Variants in SPTB observed in about 807,000 individuals in gnomAD.
The protein encoded by SPTB is spectrin beta chain, erythrocytic.
Under a neutral mutation model 256.2 loss-of-function variants are expected in SPTB, and 45 were observed. The ratio of observed to expected loss-of-function variants is 0.18; its 90% CI spans 0.14 to 0.23. SPTB has a LOEUF of 0.23. Among genes scored for constraint, SPTB ranks in the 10% least tolerant of loss-of-function variants. The probability of loss-of-function intolerance (pLI) is 1.00; values close to 1 mark genes in which losing one functional copy is unlikely to be tolerated. For missense variants in SPTB, 2,715 were observed against 3,040.4 expected (o/e 0.89, Z 2.52); for synonymous variants, 1,231 against 1,243.1 (o/e 0.99, Z 0.21).
rs1217739757 is a variant in SPTB, at chr14:64,866,469, G to A, written c.-52+13323C>T. Among the ~76,000 whole-genome samples, 1 of 152,006 alleles carries A rather than the reference G, an allele frequency of 6.6e-6. No homozygotes were observed. The highest frequency in any genetic ancestry group is 1.5e-5 in the Non-Finnish European group (1 of 68,010). ...TTGCCAAGGCCTTTGAGGGCCTTCC[G>A]CTTATCAGTTCATCTCAGACCCCAC... is the stretch of plus-strand genomic sequence containing the variant. On this transcript the variant is annotated intron_variant, in intron 1 of 35. Coordinates refer to ENST00000644917, the MANE Select transcript of SPTB (RefSeq NM_001355436.2). The surrounding 1 kb of genome is among the most constrained non-coding windows in gnomAD (Gnocchi z 4.6).
chr14:64,779,968 G>C lies in SPTB; in HGVS notation c.4267-37C>G. 2.6e-6 allele frequency: 4 copies of C among 1,559,198 alleles called. No individual in the cohort carries two copies. Among genetic ancestry groups the C allele is most frequent in the Non-Finnish European group, 3.5e-6 (4 of 1,130,632 alleles). ...GGGGACGGTGTCAGCACCAGCCTTGGCACCTGCACAGCCCCTCCATCTTCT... is the reference window on the plus strand; with the variant it reads ...GGGGACGGTGTCAGCACCAGCCTTGCCACCTGCACAGCCCCTCCATCTTCT... On this transcript the variant is annotated intron_variant, in intron 20 of 35. Coordinates refer to ENST00000644917, the MANE Select transcript of SPTB (RefSeq NM_001355436.2). The surrounding 1 kb of genome is among the most constrained non-coding windows in gnomAD (Gnocchi z 4.2).
chr14:64,835,849 C>G (rs1321928573), intron 1 of SPTB, among the ~76,000 whole-genome samples: 1 of 152,202 alleles, frequency 6.6e-6, no homozygotes. Context: ...TATTCCCATT[C>G]TATCTAAGCA....
At chr14:64,876,769 G>A (rs1882844562) in intron 1 of SPTB, among the ~76,000 whole-genome samples, 1 of 152,258 alleles carries the variant, frequency 6.6e-6, no homozygotes, top group African/African-American at 2.4e-5. Context: ...GCACTAAAAT[G>A]AAAGGACTAG....
intron 1 of SPTB, among the ~76,000 whole-genome samples, chr14:64,872,887 G>T (rs1882621188): frequency 6.6e-6 from 1 of 152,186 alleles, no homozygotes; most frequent in South Asian, 2.1e-4. Context: ...ACATGCCTTT[G>T]CTCCTCCTTT....
chr14:64,803,701 C>T lies in SPTB; in HGVS notation c.380G>A (p.Arg127His), dbSNP rs779669473. The T allele has an allele frequency of 2.6e-5, 42 of 1,614,048 alleles. No homozygotes were observed. The highest frequency in any genetic ancestry group is 1.8e-4 in the South Asian group (16 of 91,094). Residue 127 changes from arginine to histidine, a missense_variant, in exon 4 of 36, where the codon CGT becomes CAT. Arg to His is a conservative substitution (Grantham distance 29). This residue lies in a region of SPTB where 416 missense variants were observed against 571.1 expected (regional missense o/e 0.73). Transcript: ENST00000644917. The part of the protein sequence containing the change: ...DKALQFLKEQ[R>H]VHLENMGSHD... ...GGAGCCCATGTTCTCCAGGTGTACA[C>T]GCTGCTCCTTGAGGAACTGGAGAGC...
At chr14:64,870,173 G>C (rs1296994539) in intron 1 of SPTB, among the ~76,000 whole-genome samples, 1 of 152,092 alleles carries the variant, frequency 6.6e-6, no homozygotes, top group Non-Finnish European at 1.5e-5. Context: ...GCTACCCCAG[G>C]ACCTGGTAAG....
At chr14:64,754,054 A>G in intron 32 of SPTB, 2 of 569,814 alleles carry the variant, frequency 3.5e-6, no homozygotes, top group Non-Finnish European at 6.3e-6. Flanking sequence ...CCTCTCTCCA[A>G]TGTAACATAG....
intron 1 of SPTB, among the ~76,000 whole-genome samples, chr14:64,862,079 C>T (rs995855202): frequency 6.6e-6 from 1 of 152,230 alleles, no homozygotes; most frequent in Non-Finnish European, 1.5e-5. Context: ...AGCCCAGCCC[C>T]TCCTGGGCTC....
At chr14:64,771,412 T>C (rs229595) in intron 26 of SPTB, among the ~76,000 whole-genome samples, 55,580 of 152,108 alleles carry the variant, frequency 0.37, 12,052 homozygotes, top group African/African-American at 0.61. Context: ...GAACTACATA[T>C]CAGGCACTGT....
chr14:64,831,334 A>G (rs546875431), intron 1 of SPTB, among the ~76,000 whole-genome samples: 1 of 152,118 alleles, frequency 6.6e-6, no homozygotes, highest in East Asian at 1.9e-4. Context: ...CTTCAGCAAA[A>G]CTCCTTCTTA....
intron 32 of SPTB, chr14:64,763,884 A>G (rs564694710): frequency 1.9e-6 from 1 of 518,912 alleles, no homozygotes; most frequent in South Asian, 1.4e-5. Context: ...TGGCAGCTTC[A>G]GTCACCACGT....
chr14:64,797,783 G>A lies in SPTB; in HGVS notation c.1128C>T (p.Asn376=), dbSNP rs1477723740. ...CGTGGGGTGTGTACACTTTCTGATT[G>A]TTGGCTCTCATCCGGGACTGGATGG... is the stretch of plus-strand genomic sequence containing the variant. The part of the protein sequence containing the change: ...LFTIQSRMRA[N]NQKVYTPHDG... Residue 376 remains asparagine, a synonymous_variant, in exon 10 of 36, where the codon AAC becomes AAT. Coordinates refer to ENST00000644917, the MANE Select transcript of SPTB (RefSeq NM_001355436.2). 6.2e-7 allele frequency: 1 copy of A among 1,614,148 alleles called. No individual in the cohort carries two copies. The highest frequency in any genetic ancestry group is 1.7e-5 in the Admixed American group (1 of 60,020).
At position 64,807,115 on chromosome 14, in the gene SPTB, T is replaced by C. The variant is rs555205181; in HGVS notation, c.149-2025A>G. ...AACAGAGCCAGCCACAGTCCCACAG[T>C]TTTTTCCCTAGAAACCAGATCTATT... On this transcript the variant is annotated intron_variant, in intron 2 of 35. Coordinates refer to ENST00000644917, the MANE Select transcript of SPTB (RefSeq NM_001355436.2). This position sits in a 1 kb window ranked among gnomAD's most constrained non-coding sequence, Gnocchi z 4.7. 6.6e-6 allele frequency among the ~76,000 whole-genome samples: 1 copy of C among 152,146 alleles called. No homozygotes were observed. Among genetic ancestry groups the C allele is most frequent in the Non-Finnish European group, 1.5e-5 (1 of 68,032 alleles).
chr14:64,768,926 C>G (rs951798263), intron 29 of SPTB, 108 bp downstream of exon 29: 3 of 927,466 alleles, frequency 3.2e-6, no homozygotes, highest in Non-Finnish European at 5.3e-6. Context: ...CTGTGGGGGG[C>G]TCCTCTCTAG....
intron 27 of SPTB, 93 bp downstream of exon 27, chr14:64,770,792 C>T: frequency 1.3e-6 from 2 of 1,576,530 alleles, no homozygotes; most frequent in East Asian, 2.2e-5. Context: ...CAGGACTGTC[C>T]CTTCACGGAG....
At chr14:64,833,629 T>C (rs1054749141) in intron 1 of SPTB, among the ~76,000 whole-genome samples, 1 of 152,136 alleles carries the variant, frequency 6.6e-6, no homozygotes, top group Non-Finnish European at 1.5e-5. Context: ...GTTTCTTTTG[T>C]GTTCCCATCA....
At position 64,775,036 on chromosome 14, in the gene SPTB, T is replaced by C. The variant is rs73275605; in HGVS notation, c.4842+89A>G. ...TCCCCTGGCCTCACTCCTCACACAGTTGGACTCACAAGGCTCCCTACCGAC... is the reference window on the plus strand; with the variant it reads ...TCCCCTGGCCTCACTCCTCACACAGCTGGACTCACAAGGCTCCCTACCGAC... On this transcript the variant is annotated intron_variant, in intron 23 of 35. Transcript: ENST00000644917. The surrounding 1 kb of genome is among the most constrained non-coding windows in gnomAD (Gnocchi z 5.0). 6.3e-5 allele frequency: 100 copies of C among 1,585,030 alleles called. No individual in the cohort carries two copies. In the African/African-American group the frequency reaches 1.2e-3, roughly 18 times the overall value.
rs2083333582 is a variant in SPTB, at chr14:64,823,664, C to T, written c.-51-519G>A. ...AGAGATGGATGAGAGAGTTAAGCCGCCACTGACGCCACCAGCCCGGGGCAG... is the reference window on the plus strand; with the variant it reads ...AGAGATGGATGAGAGAGTTAAGCCGTCACTGACGCCACCAGCCCGGGGCAG... On this transcript the variant is annotated intron_variant, in intron 1 of 35. Coordinates refer to ENST00000644917, the MANE Select transcript of SPTB (RefSeq NM_001355436.2). This position sits in a 1 kb window ranked among gnomAD's most constrained non-coding sequence, Gnocchi z 6.5. 6.6e-6 allele frequency among the ~76,000 whole-genome samples: 1 copy of T among 152,202 alleles called. No homozygotes were observed. Among genetic ancestry groups the T allele is most frequent in the Admixed American group, 6.5e-5 (1 of 15,282 alleles).
Position 64,785,974 on chromosome 14 carries a change from A to G in SPTB, c.3562-23T>C. 6.2e-7 allele frequency: 1 copy of G among 1,613,066 alleles called. No homozygotes were observed. Among genetic ancestry groups the G allele is most frequent in the Non-Finnish European group, 8.5e-7 (1 of 1,179,516 alleles). ...TTCCTGTTGGAACAAGTTTCCAGAC[A>G]AGGCATGAAGACACACGGAGGAGGT... On this transcript the variant is annotated intron_variant, in intron 16 of 35. Coordinates refer to ENST00000644917, the MANE Select transcript of SPTB (RefSeq NM_001355436.2). The surrounding 1 kb of genome is among the most constrained non-coding windows in gnomAD (Gnocchi z 4.4).
Sources: gnomAD v4.1 joint callset for allele counts (sites outside exome capture counted in the v4.1 genomes callset) on GRCh38, gnomAD v4.1.1 for gene constraint, gnomAD v4.1.1 regional missense constraint, Gnocchi (gnomAD v3.1) non-coding constraint, MANE v1.5 for transcripts, NCBI Gene and HGNC (gene_info 2026-07-23, HGNC 2026-07-21) for gene names.